UBA6: variants seen among roughly 807,000 people sequenced by gnomAD.
UBA6 encodes ubiquitin-like modifier-activating enzyme 6.
A neutral mutation model predicts 148.3 loss-of-function variants in UBA6; 87 were observed. The observed-to-expected ratio is 0.59, with a 90% CI of 0.49 to 0.70. UBA6 has a LOEUF of 0.70. Ranked by LOEUF, UBA6 falls within the 30% of genes least tolerant of loss-of-function variation. The probability of loss-of-function intolerance (pLI) is 0.00; values close to 1 mark genes in which losing one functional copy is unlikely to be tolerated. For synonymous variants in UBA6, 376 were observed against 401.0 expected (o/e 0.94, Z 0.75); for missense variants, 1,186 against 1,241.2 (o/e 0.96, Z 0.67).
At chr4:67,672,557 C>T (rs540163601) in intron 7 of UBA6, among the ~76,000 whole-genome samples, 1 of 152,158 alleles carries the variant, frequency 6.6e-6, no homozygotes, top group East Asian at 1.9e-4. Context: ...TTAAAACTCA[C>T]AGGCCTAAAA....
chr4:67,673,817 A>G, intron 6 of UBA6, 40 bp from the exon 7 acceptor site: 3 of 1,438,292 alleles, frequency 2.1e-6, no homozygotes, highest in South Asian at 1.2e-5. Flanking sequence ...GAAAATACAT[A>G]ATTATTTTTT....
chr4:67,669,880 T>C (rs764343817), intron 8 of UBA6, among the ~76,000 whole-genome samples: 10 of 152,186 alleles, frequency 6.6e-5, no homozygotes, highest in Non-Finnish European at 1.0e-4. Flanking sequence ...CCACAGGAGA[T>C]AACATAGAAT....
chr4:67,641,048 TAATAA>T, intron 18 of UBA6, 98 bp downstream of exon 18: 2 of 728,678 alleles, frequency 2.7e-6, no homozygotes, highest in Non-Finnish European at 4.6e-6. Context: ...TGAAAGTTTC[TAATAA>T]AATAACACGA....
chr4:67,656,675 C>T (rs181813821), intron 13 of UBA6, among the ~76,000 whole-genome samples: 26 of 152,166 alleles, frequency 1.7e-4, no homozygotes, highest in East Asian at 1.2e-3. Flanking sequence ...TGGAAGTTCT[C>T]GCCAGGGCAA....
intron 8 of UBA6, 53 bp downstream of exon 8, chr4:67,670,417 T>C: frequency 6.7e-7 from 1 of 1,486,650 alleles, no homozygotes; most frequent in Middle Eastern, 2.3e-4. Flanking sequence ...GAAAACAGCA[T>C]TCACATCAAC....
intron 20 of UBA6, 95 bp downstream of exon 20, chr4:67,635,358 T>A: frequency 1.4e-6 from 1 of 722,494 alleles, no homozygotes. Flanking sequence ...CAGAGCAAAA[T>A]CAGAAGGATT....
chr4:67,674,263 A>T (rs1730222442), intron 6 of UBA6, among the ~76,000 whole-genome samples: 1 of 152,178 alleles, frequency 6.6e-6, no homozygotes, highest in South Asian at 2.1e-4. Flanking sequence ...GTAGGGAGAC[A>T]TTCCTCCATG....
intron 14 of UBA6, among the ~76,000 whole-genome samples, chr4:67,648,764 G>A (rs762399934): frequency 5.9e-5 from 9 of 152,046 alleles, no homozygotes; most frequent in Non-Finnish European, 1.0e-4. Context: ...GAGAGCCCGA[G>A]AATGCTAAGC....
At chr4:67,690,563 A>G (rs866817946) in intron 2 of UBA6, among the ~76,000 whole-genome samples, 2 of 152,252 alleles carry the variant, frequency 1.3e-5, no homozygotes, top group African/African-American at 4.8e-5. Flanking sequence ...GGTTAATAAT[A>G]TCCAAAGGAA....
chr4:67,694,161 AG>A (rs1213542530), intron 2 of UBA6, among the ~76,000 whole-genome samples: 2 of 130,106 alleles, frequency 1.5e-5, no homozygotes, highest in African/African-American at 5.7e-5. Flanking sequence ...GGTTGCCATG[AG>A]CCGAGATCGC....
intron 19 of UBA6, among the ~76,000 whole-genome samples, chr4:67,637,269 T>TG (rs1729181053): frequency 7.5e-6 from 1 of 133,928 alleles, no homozygotes. Context: ...TGGAGGGAGG[T>TG]GGAGGGCAGC....
At chr4:67,625,515 G>A (rs1467229165) in intron 28 of UBA6, among the ~76,000 whole-genome samples, 1 of 151,800 alleles carries the variant, frequency 6.6e-6, no homozygotes, top group Non-Finnish European at 1.5e-5. Context: ...CTATCAAGTG[G>A]TTTACAATAA....
chr4:67,626,540 T>G (rs889783689), intron 27 of UBA6, 63 bp from the exon 28 acceptor site: 46 of 996,670 alleles, frequency 4.6e-5, no homozygotes, highest in Non-Finnish European at 6.3e-5. Context: ...TGGTTACCAT[T>G]TAACTGTTTT....
At chr4:67,653,391 A>G (rs183926768) in intron 13 of UBA6, among the ~76,000 whole-genome samples, 1,733 of 152,326 alleles carry the variant, frequency 0.011, 22 homozygotes, top group Non-Finnish European at 0.018. Context: ...CCAGGCAAAC[A>G]GGGTCTGGAG....
chr4:67,619,864 C>G (rs763118258), intron 32 of UBA6, among the ~76,000 whole-genome samples: 2 of 152,162 alleles, frequency 1.3e-5, no homozygotes, highest in Admixed American at 6.5e-5. Flanking sequence ...TCTACACACC[C>G]CTTACATCAT....
chr4:67,635,317 T>A (rs1170692843), intron 20 of UBA6, 136 bp downstream of exon 20: 2 of 487,738 alleles, frequency 4.1e-6, no homozygotes, highest in Non-Finnish European at 7.2e-6. Flanking sequence ...TTTTAAAAAA[T>A]GTACATGCAC....
At position 67,626,354 on chromosome 4, in the gene UBA6, C is replaced by T. The variant is rs761097869; in HGVS notation, c.2518+6G>A. ...TCAAAACATTTTTATAAAGATTTTCCCTTACTTTTGGTGGCTTCATTAGAT... is the reference window on the plus strand; with the variant it reads ...TCAAAACATTTTTATAAAGATTTTCTCTTACTTTTGGTGGCTTCATTAGAT... On this transcript the variant is annotated splice_donor_region_variant and intron_variant, in intron 28 of 32. Coordinates refer to ENST00000322244, the MANE Select transcript of UBA6 (RefSeq NM_018227.6). The T allele has an allele frequency of 1.9e-6, 3 of 1,578,244 alleles. No individual in the cohort carries two copies. The highest frequency in any genetic ancestry group is 1.1e-5 in the South Asian group (1 of 90,046).
intron 13 of UBA6, among the ~76,000 whole-genome samples, chr4:67,657,969 G>T (rs904737875): frequency 2.0e-5 from 3 of 152,106 alleles, no homozygotes; most frequent in African/African-American, 7.2e-5. Flanking sequence ...GGTCATCAGA[G>T]ACATGCAAAT....
At chr4:67,650,893 A>G (rs1729539576) in intron 13 of UBA6, among the ~76,000 whole-genome samples, 1 of 152,124 alleles carries the variant, frequency 6.6e-6, no homozygotes, top group Non-Finnish European at 1.5e-5. Context: ...AGAGAAAGCT[A>G]AAGAGAGAGA....
Sources: gnomAD v4.1 joint callset for allele counts (sites outside exome capture counted in the v4.1 genomes callset) on GRCh38, gnomAD v4.1.1 for gene constraint, MANE v1.5 for transcripts, NCBI Gene and HGNC (gene_info 2026-07-23, HGNC 2026-07-21) for gene names.